Variants in BCAS3 observed in about 807,000 individuals in gnomAD.
The protein encoded by BCAS3 is BCAS3 microtubule associated cell migration factor.
In BCAS3, 53 loss-of-function variants were observed where a neutral mutation model predicts 116.1. The observed-to-expected ratio is 0.46, with a 90% CI of 0.37 to 0.57. The LOEUF is 0.57. Ranked by LOEUF, BCAS3 falls within the 20% of genes least tolerant of loss-of-function variation. The pLI is 0.00. For missense variants in BCAS3, 917 were observed against 1,165.4 expected (o/e 0.79, Z 3.10); for synonymous variants, 391 against 408.2 (o/e 0.96, Z 0.51).
Position 60,753,382 on chromosome 17 carries a change from A to ATTTT in BCAS3, c.403+6104_403+6107dup, listed in dbSNP as rs1307621493. 4.5e-4 allele frequency among the ~76,000 whole-genome samples: 53 copies of ATTTT among 117,858 alleles called. No homozygotes were observed. The South Asian group carries it at 5.6e-3, about 12-fold the overall frequency. The allele number at this position is 117,858 out of a possible 152,430, so 77.3% of individuals were successfully genotyped here. On this transcript the variant is annotated intron_variant, in intron 6 of 23. Transcript: ENST00000407086. The stretch of plus-strand genomic sequence containing the variant: ...TTTATTTTGTTGTTATTTGTCTCTT[A>ATTTT]TTTTATTTATTTATTTATTTATTTA...
At position 60,924,516 on chromosome 17, in the gene BCAS3, GTC is replaced by G. The variant is rs1555615816; in HGVS notation, c.1087+18_1087+19del. On this transcript the variant is annotated intron_variant, in intron 13 of 23. Coordinates refer to ENST00000407086, the MANE Select transcript of BCAS3 (RefSeq NM_017679.5). ...AATACAAGTGGTAAGTTCGCTCTCT[GTC>G]TTTTTTTTTTTTTTTTTTGTAGACC... The G allele has an allele frequency of 4.0e-6, 5 of 1,259,352 alleles. No homozygotes were observed. Among genetic ancestry groups the G allele is most frequent in the Non-Finnish European group, 4.3e-6 (4 of 922,438 alleles). The allele number at this position is 1,259,352 out of a possible 1,614,324, so 78.0% of individuals were successfully genotyped here.
chr17:61,287,224 G>A lies in BCAS3; in HGVS notation c.2426-81103G>A, dbSNP rs568224459. On this transcript the variant is annotated intron_variant, in intron 22 of 23. Transcript: ENST00000407086. ...GATCGCACCACTTCACTCCAGCCTG[G>A]GCAACAGAGCCAGACTCTTAAAAAA... Among the ~76,000 whole-genome samples the A allele has an allele frequency of 1.5e-3, 229 of 151,764 alleles. 2 individuals are homozygous for A. Among genetic ancestry groups the A allele is most frequent in the African/African-American group, 5.5e-3 (227 of 41,374 alleles).
chr17:60,946,330 G>T (rs2060493823), intron 13 of BCAS3, among the ~76,000 whole-genome samples: 1 of 152,132 alleles, frequency 6.6e-6, no homozygotes, highest in Non-Finnish European at 1.5e-5. Flanking sequence ...TTAAAATGAT[G>T]ATAGGCCTAA....
At chr17:60,771,700 T>C (rs958727821) in intron 6 of BCAS3, among the ~76,000 whole-genome samples, 2 of 152,196 alleles carry the variant, frequency 1.3e-5, no homozygotes, top group Middle Eastern at 3.2e-3. Context: ...ATCCCTCCCC[T>C]GTCCCCCTAT....
At chr17:60,817,935 A>G (rs1598921544) in intron 7 of BCAS3, among the ~76,000 whole-genome samples, 7 of 151,446 alleles carry the variant, frequency 4.6e-5, no homozygotes, top group Admixed American at 3.9e-4. Context: ...GCTCACTGCA[A>G]CCTCCACGTC....
rs1828943662 is a variant in BCAS3, at chr17:61,063,235, G to A, written c.2030-11685G>A. Among the ~76,000 whole-genome samples the A allele has an allele frequency of 6.6e-6, 1 of 151,718 alleles. No homozygotes were observed. Among genetic ancestry groups the A allele is most frequent in the Admixed American group, 6.6e-5 (1 of 15,236 alleles). On this transcript the variant is annotated intron_variant, in intron 19 of 23. Transcript: ENST00000407086. This position sits in a 1 kb window ranked among gnomAD's most constrained non-coding sequence, Gnocchi z 5.3. ...TCTTGGATCCTACTATAACAGTAAA[G>A]CCATGGTTTATTTACAGTTTTTTGT...
intron 16 of BCAS3, among the ~76,000 whole-genome samples, chr17:61,027,864 T>C (rs1421507905): frequency 6.6e-6 from 1 of 151,990 alleles, no homozygotes; most frequent in Non-Finnish European, 1.5e-5. Context: ...AAATGTTAGC[T>C]GCTACCACTG....
chr17:61,101,093 G>A (rs35914250), intron 22 of BCAS3, among the ~76,000 whole-genome samples: 21,771 of 151,932 alleles, frequency 0.14, 4,856 homozygotes, highest in African/African-American at 0.48. Context: ...ATCATATACT[G>A]TTGTATCATA....
chr17:60,872,755 T>C (rs543726236), intron 8 of BCAS3, among the ~76,000 whole-genome samples: 1 of 150,962 alleles, frequency 6.6e-6, no homozygotes, highest in South Asian at 2.1e-4. Context: ...TGTATGTATA[T>C]ACACACATAC....
chr17:60,957,755 C>T (rs2145292225), intron 14 of BCAS3, among the ~76,000 whole-genome samples: 1 of 152,304 alleles, frequency 6.6e-6, no homozygotes, highest in Non-Finnish European at 1.5e-5. Flanking sequence ...TAAATACCTT[C>T]TCTAATCTTC....
At chr17:60,851,384 G>A in intron 7 of BCAS3, 1 of 371,506 alleles carries the variant, frequency 2.7e-6, no homozygotes, top group South Asian at 2.2e-5. Flanking sequence ...CCACCAGGAT[G>A]CCCGAGAGGA....
chr17:61,229,553 A>T lies in BCAS3; in HGVS notation c.2426-138774A>T, dbSNP rs975927339. On this transcript the variant is annotated intron_variant, in intron 22 of 23. Coordinates refer to ENST00000407086, the MANE Select transcript of BCAS3 (RefSeq NM_017679.5). The surrounding 1 kb of genome is among the most constrained non-coding windows in gnomAD (Gnocchi z 4.4). ...AAAGCTTCAATTGAAGGACAGGCTGATACACAATGGCAATTAAATGTCAAC... is the reference window on the plus strand; with the variant it reads ...AAAGCTTCAATTGAAGGACAGGCTGTTACACAATGGCAATTAAATGTCAAC... 1.4e-4 allele frequency among the ~76,000 whole-genome samples: 22 copies of T among 152,362 alleles called. No individual in the cohort carries two copies. The highest frequency in any genetic ancestry group is 5.3e-4 in the African/African-American group (22 of 41,582).
rs555524723 is a variant in BCAS3, at chr17:61,380,803, C to G, written c.2594-11174C>G. 4.6e-5 allele frequency among the ~76,000 whole-genome samples: 7 copies of G among 152,206 alleles called. No individual in the cohort carries two copies. The highest frequency in any genetic ancestry group is 1.4e-4 in the African/African-American group (6 of 41,450). ...TTTGAGAACGCCACTCCCTGCCCCCCACTTTGAAGATGGAAGTGAAATTTT... is the reference window on the plus strand; with the variant it reads ...TTTGAGAACGCCACTCCCTGCCCCCGACTTTGAAGATGGAAGTGAAATTTT... On this transcript the variant is annotated intron_variant, in intron 23 of 23. Transcript: ENST00000407086. This position sits in a 1 kb window ranked among gnomAD's most constrained non-coding sequence, Gnocchi z 4.2.
intron 18 of BCAS3, among the ~76,000 whole-genome samples, chr17:61,040,331 C>T (rs2067404300): frequency 6.6e-6 from 1 of 152,140 alleles, no homozygotes; most frequent in Non-Finnish European, 1.5e-5. Context: ...TAACTTATTT[C>T]AGAACTCAGA....
intron 5 of BCAS3, among the ~76,000 whole-genome samples, chr17:60,729,285 T>C (rs2040220021): frequency 6.6e-6 from 1 of 152,040 alleles, no homozygotes; most frequent in South Asian, 2.1e-4. Context: ...GAATAAAGTG[T>C]CTGTGAACAT....
intron 7 of BCAS3, among the ~76,000 whole-genome samples, chr17:60,829,622 T>C (rs925342917): frequency 1.3e-5 from 2 of 152,188 alleles, no homozygotes; most frequent in East Asian, 3.8e-4. Context: ...AACATTTCTA[T>C]ATTGCTTTTG....
At position 60,895,438 on chromosome 17, in the gene BCAS3, TCTTTC is replaced by T. The variant is rs372178406; in HGVS notation, c.738+5673_738+5677del. Reference sequence around the variant, plus strand: ...TCATTTCTCATTTTGTTTATCTGGGTCTTTCCTTTCTTGGTTAATCTAGCTAGTGT... The same window carrying T: ...TCATTTCTCATTTTGTTTATCTGGGTCTTTCTTGGTTAATCTAGCTAGTGT... On this transcript the variant is annotated intron_variant, in intron 10 of 23. Transcript: ENST00000407086. 5.0e-4 allele frequency among the ~76,000 whole-genome samples: 76 copies of T among 152,262 alleles called. 2 individuals carry two copies. The South Asian group carries it at 0.014, about 28-fold the overall frequency.
chr17:61,169,151 C>G (rs117508892), intron 22 of BCAS3, among the ~76,000 whole-genome samples: 2,435 of 152,254 alleles, frequency 0.016, 34 homozygotes, highest in South Asian at 0.052. Context: ...AAGATGTTTT[C>G]TCAACAGTTC....
intron 14 of BCAS3, among the ~76,000 whole-genome samples, chr17:60,985,659 C>A (rs913570208): frequency 3.3e-5 from 5 of 152,074 alleles, no homozygotes; most frequent in African/African-American, 1.2e-4. Flanking sequence ...CCCTACTCCC[C>A]CCTCCTCCCT....
Sources: gnomAD v4.1 joint callset for allele counts (sites outside exome capture counted in the v4.1 genomes callset) on GRCh38, gnomAD v4.1.1 for gene constraint, Gnocchi (gnomAD v3.1) non-coding constraint, MANE v1.5 for transcripts, NCBI Gene and HGNC (gene_info 2026-07-23, HGNC 2026-07-21) for gene names.